The following LNPEP variants were observed in gnomAD, a reference collection of about 807,000 sequenced individuals.
LNPEP encodes leucyl and cystinyl aminopeptidase, also known as leucyl-cystinyl aminopeptidase.
In LNPEP, 64 loss-of-function variants were observed where a neutral mutation model predicts 120.6. The observed-to-expected ratio is 0.53, with a 90% CI of 0.43 to 0.65. The LOEUF (loss-of-function observed/expected upper bound fraction) is 0.65, where lower values mean the gene tolerates loss of function less well. Among genes scored for constraint, LNPEP ranks in the 30% least tolerant of loss-of-function variants. The probability of loss-of-function intolerance (pLI) is 0.00; values close to 1 mark genes in which losing one functional copy is unlikely to be tolerated. For missense variants in LNPEP, 1,057 were observed against 1,200.0 expected (o/e 0.88, Z 1.76); for synonymous variants, 435 against 425.4 (o/e 1.02, Z -0.28).
At chr5:96,980,087 G>A in intron 2 of LNPEP, 109 bp downstream of exon 2, 1 of 1,042,228 alleles carries the variant, frequency 9.6e-7, no homozygotes, top group Non-Finnish European at 1.4e-6. Context: ...TTTTAATTTA[G>A]GAAGTTATAT....
chr5:96,986,511 A>G, intron 3 of LNPEP, 28 bp from the exon 4 acceptor site: 1 of 1,603,198 alleles, frequency 6.2e-7, no homozygotes, highest in Non-Finnish European at 8.5e-7. Context: ...CTATAGTTAC[A>G]GAACTGTCTT....
At chr5:97,016,755 T>C (rs980475562) in intron 13 of LNPEP, among the ~76,000 whole-genome samples, 28 of 152,140 alleles carry the variant, frequency 1.8e-4, no homozygotes, top group African/African-American at 5.1e-4. Flanking sequence ...AAAATGCTAA[T>C]AATGACTTTT....
intron 1 of LNPEP, among the ~76,000 whole-genome samples, chr5:96,961,411 C>T (rs1789602942): frequency 6.6e-6 from 1 of 151,996 alleles, no homozygotes; most frequent in Non-Finnish European, 1.5e-5. Flanking sequence ...TGCTTGGTTC[C>T]TGTCATTTTT....
chr5:97,016,920 C>T (rs574966809), intron 13 of LNPEP, among the ~76,000 whole-genome samples: 4 of 152,118 alleles, frequency 2.6e-5, no homozygotes, highest in South Asian at 4.2e-4. Flanking sequence ...TAGACATTTG[C>T]GTTATTTGTA....
At chr5:96,999,421 C>A (rs1790593040) in intron 8 of LNPEP, among the ~76,000 whole-genome samples, 1 of 152,040 alleles carries the variant, frequency 6.6e-6, no homozygotes, top group Non-Finnish European at 1.5e-5. Flanking sequence ...CAGGTTCAAA[C>A]CTGACTGACA....
At chr5:96,950,080 TG>T (rs1789288203) in intron 1 of LNPEP, among the ~76,000 whole-genome samples, 1 of 152,232 alleles carries the variant, frequency 6.6e-6, no homozygotes, top group Non-Finnish European at 1.5e-5. Flanking sequence ...ATTGAGTACT[TG>T]GAGTATTTCA....
At position 97,032,384 on chromosome 5, in the gene LNPEP, A is replaced by G. The variant is rs1279297082; in HGVS notation, c.*3851A>G. 1.3e-5 allele frequency: 2 copies of G among 152,168 alleles called. 1 individual carries two copies. The highest frequency in any genetic ancestry group is 4.1e-4 in the South Asian group (2 of 4,828). 9.4% of individuals were successfully genotyped at this position (152,168 alleles called of 1,614,324 possible). The stretch of plus-strand genomic sequence containing the variant: ...AAGTAGCGGTTCAAAAGTATGGTAA[A>G]TCTCCTCCCTTAACCTTATTGCCTG... On this transcript the variant is annotated 3_prime_UTR_variant, in exon 18 of 18. Transcript: ENST00000231368.
chr5:97,003,362 A>C, intron 8 of LNPEP, 53 bp from the exon 9 acceptor site: 3 of 1,055,686 alleles, frequency 2.8e-6, no homozygotes, highest in Non-Finnish European at 4.0e-6. Flanking sequence ...CAATTCGATA[A>C]TCTATAGTAT....
rs770751835 is a variant in LNPEP at position 96,985,197 on chromosome 5, C to T, written c.978C>T (p.Thr326=). 15 of 1,613,476 alleles carry T rather than the reference C, an allele frequency of 9.3e-6. No homozygotes were observed. Among genetic ancestry groups the T allele is most frequent in the Admixed American group, 3.3e-5 (2 of 59,944 alleles). ...AGATCATAAGGGATGAGCAATACAC[C>T]GCTTTATCAAATATGCCTAAGGTAC... The part of the protein sequence containing the change: ...IIKIIRDEQY[T]ALSNMPKKSS... Residue 326 remains threonine (T), a synonymous_variant, in exon 3 of 18, where the codon ACC becomes ACT. Transcript: ENST00000231368.
intron 15 of LNPEP, among the ~76,000 whole-genome samples, chr5:97,025,138 G>A (rs1409101763): frequency 6.6e-6 from 1 of 152,196 alleles, no homozygotes; most frequent in East Asian, 1.9e-4. Flanking sequence ...TGAAGGCCCA[G>A]AAGTAGGAGT....
chr5:96,984,049 C>T (rs1790185127), intron 2 of LNPEP, among the ~76,000 whole-genome samples: 1 of 152,172 alleles, frequency 6.6e-6, no homozygotes, highest in African/African-American at 2.4e-5. Context: ...TCTCCAGCCA[C>T]ACTGGACAGC....
intron 8 of LNPEP, among the ~76,000 whole-genome samples, chr5:96,999,363 T>TATTAGTGACA (rs1790591440): frequency 6.6e-6 from 1 of 152,078 alleles, no homozygotes; most frequent in African/African-American, 2.4e-5. Flanking sequence ...GTACTTAAAG[T>TATTAGTGACA]ATTAGTGACA....
At chr5:96,946,546 T>A (rs554617326) in intron 1 of LNPEP, among the ~76,000 whole-genome samples, 5 of 152,334 alleles carry the variant, frequency 3.3e-5, no homozygotes, top group Non-Finnish European at 1.5e-5. Context: ...GATAAAGACT[T>A]GAAGAATTTA....
intron 1 of LNPEP, among the ~76,000 whole-genome samples, chr5:96,965,514 A>G (rs1244032332): frequency 2.6e-5 from 4 of 152,168 alleles, no homozygotes; most frequent in Non-Finnish European, 5.9e-5. Context: ...CTCAGTTTTC[A>G]TAAAAACAAT....
intron 1 of LNPEP, among the ~76,000 whole-genome samples, chr5:96,959,748 CCAAAGTTGA>C (rs1789553810): frequency 6.6e-6 from 1 of 151,920 alleles, no homozygotes; most frequent in Admixed American, 6.6e-5. Flanking sequence ...CCATATCTGA[CCAAAGTTGA>C]GTATCTGAGG....
intron 8 of LNPEP, among the ~76,000 whole-genome samples, chr5:96,999,664 CAG>C (rs1790599573): frequency 6.6e-6 from 1 of 152,010 alleles, no homozygotes. Context: ...AATAACAGAA[CAG>C]AGTCATAACA....
At chr5:96,980,176 G>A (rs1046803143) in intron 2 of LNPEP, among the ~76,000 whole-genome samples, 198 bp downstream of exon 2, 8 of 152,070 alleles carry the variant, frequency 5.3e-5, no homozygotes, top group Admixed American at 3.9e-4. Flanking sequence ...ATGGTGGGGT[G>A]GAGATAGGGG....
At chr5:96,982,741 C>T (rs1265260028) in intron 2 of LNPEP, among the ~76,000 whole-genome samples, 2 of 151,890 alleles carry the variant, frequency 1.3e-5, no homozygotes. Flanking sequence ...TGCAGTTTAC[C>T]CAATTCGATA....
intron 1 of LNPEP, among the ~76,000 whole-genome samples, chr5:96,966,346 A>T (rs1461489522): frequency 2.6e-5 from 4 of 151,994 alleles, no homozygotes; most frequent in Admixed American, 1.3e-4. Context: ...AAATTTTTTT[A>T]AAAATTAGCT....
Sources: allele counts gnomAD v4.1 joint callset (sites outside exome capture counted in the v4.1 genomes callset), GRCh38; gene constraint gnomAD v4.1.1; transcripts MANE v1.5; gene names NCBI Gene and HGNC (gene_info 2026-07-23, HGNC 2026-07-21).